The following ZFPM2 variants were observed in gnomAD, a reference collection of about 807,000 sequenced individuals.
ZFPM2 encodes the protein zinc finger protein, FOG family member 2, also known as zinc finger protein ZFPM2.
In ZFPM2, 20 loss-of-function variants were observed where a neutral mutation model predicts 98.6. The observed-to-expected ratio is 0.20, with a 90% CI of 0.14 to 0.29. The LOEUF (loss-of-function observed/expected upper bound fraction) is 0.29, where lower values mean the gene tolerates loss of function less well. ZFPM2 is among the 10% of genes least tolerant of loss of function. ZFPM2 has a pLI of 1.00. For synonymous variants in ZFPM2, 518 were observed against 502.7 expected, an observed-to-expected ratio of 1.03 and a Z score of -0.41; for missense variants, 1,310 against 1,388.6, an observed-to-expected ratio of 0.94 and a Z score of 0.90.
chr8:105,444,783 A>G (rs1272946905), intron 3 of ZFPM2, among the ~76,000 whole-genome samples: 1 of 152,174 alleles, frequency 6.6e-6, no homozygotes, highest in Admixed American at 6.5e-5. Context: ...ACCTCAATAC[A>G]TATTTAGAAG....
At chr8:105,688,247 T>G (rs1687863550) in intron 5 of ZFPM2, among the ~76,000 whole-genome samples, 1 of 152,108 alleles carries the variant, frequency 6.6e-6, no homozygotes, top group Non-Finnish European at 1.5e-5. Flanking sequence ...GGAGTTCTGA[T>G]GATCTGTACA....
chr8:105,329,297 T>C (rs1812169886), intron 1 of ZFPM2, among the ~76,000 whole-genome samples: 1 of 151,776 alleles, frequency 6.6e-6, no homozygotes, highest in Non-Finnish European at 1.5e-5. Context: ...AATGTCGAGC[T>C]CCCACAAGGT....
At chr8:105,629,046 G>C (rs1177852007) in intron 4 of ZFPM2, among the ~76,000 whole-genome samples, 2 of 152,196 alleles carry the variant, frequency 1.3e-5, no homozygotes. Flanking sequence ...GGGCCTGCAT[G>C]GAGTTCATTC....
intron 5 of ZFPM2, among the ~76,000 whole-genome samples, chr8:105,699,363 A>G (rs1811090703): frequency 6.6e-6 from 1 of 152,148 alleles, no homozygotes; most frequent in South Asian, 2.1e-4. Context: ...TGGATTTCCA[A>G]GAGAGATGAT....
intron 1 of ZFPM2, among the ~76,000 whole-genome samples, chr8:105,330,643 T>C (rs1297635226): frequency 3.0e-5 from 4 of 134,936 alleles, no homozygotes; most frequent in East Asian, 4.1e-4. Context: ...CATATATATA[T>C]ATATATTTTT....
At chr8:105,426,439 C>A (rs528927465) in intron 2 of ZFPM2, among the ~76,000 whole-genome samples, 2 of 152,172 alleles carry the variant, frequency 1.3e-5, no homozygotes, top group South Asian at 4.1e-4. Flanking sequence ...ATTGAACAGC[C>A]CCCAGCTTTG....
At chr8:105,791,825 GTA>G (rs1813621306) in intron 6 of ZFPM2, among the ~76,000 whole-genome samples, 1 of 152,126 alleles carries the variant, frequency 6.6e-6, no homozygotes, top group African/African-American at 2.4e-5. Context: ...TTGGGAGAGT[GTA>G]TGTGTCGAGG....
intron 5 of ZFPM2, chr8:105,787,509 G>A (rs1284940273): frequency 6.6e-6 from 1 of 152,110 alleles, no homozygotes; most frequent in Non-Finnish European, 1.5e-5. Context: ...ACAATGTTCT[G>A]ATTCTTCTGT....
Position 105,350,779 on chromosome 8 carries a change from G to A in ZFPM2, c.40+31798G>A, listed in dbSNP as rs144759582. 1.6e-4 allele frequency among the ~76,000 whole-genome samples: 24 copies of A among 152,286 alleles called. No individual in the cohort carries two copies. In the East Asian group the frequency reaches 4.4e-3, roughly 28 times the overall value. ...AGTGTCATACCTTCCCTGATGTAAA[G>A]ATTGTCATATTCCATCTTATTTCAC... On this transcript the variant is annotated intron_variant, in intron 1 of 7. Transcript: ENST00000407775.
intron 4 of ZFPM2, among the ~76,000 whole-genome samples, chr8:105,574,870 C>T (rs1377469283): frequency 6.6e-6 from 1 of 150,808 alleles, no homozygotes; most frequent in African/African-American, 2.4e-5. Context: ...TAAAGGTACC[C>T]AATTATATCC....
At chr8:105,422,176 G>T (rs533743287) in intron 2 of ZFPM2, among the ~76,000 whole-genome samples, 1 of 151,724 alleles carries the variant, frequency 6.6e-6, no homozygotes, top group African/African-American at 2.4e-5. Flanking sequence ...GATGGCTGAC[G>T]CCTGTAATCC....
intron 4 of ZFPM2, among the ~76,000 whole-genome samples, chr8:105,580,636 A>G (rs1815570052): frequency 6.6e-6 from 1 of 152,098 alleles, no homozygotes; most frequent in Non-Finnish European, 1.5e-5. Flanking sequence ...CTGCACTACT[A>G]ATTTTTCATT....
intron 4 of ZFPM2, among the ~76,000 whole-genome samples, chr8:105,623,194 G>C (rs1816587290): frequency 6.6e-6 from 1 of 151,964 alleles, no homozygotes; most frequent in Non-Finnish European, 1.5e-5. Flanking sequence ...TCAATAACTT[G>C]ACTTTTAATA....
chr8:105,701,743 T>C (rs1330117065), intron 5 of ZFPM2, among the ~76,000 whole-genome samples: 1 of 152,238 alleles, frequency 6.6e-6, no homozygotes, highest in Admixed American at 6.5e-5. Flanking sequence ...ATGGTGATGA[T>C]TGTAAAGTTT....
At chr8:105,775,303 T>C (rs954450200) in intron 5 of ZFPM2, among the ~76,000 whole-genome samples, 4 of 151,690 alleles carry the variant, frequency 2.6e-5, no homozygotes, top group African/African-American at 7.3e-5. Context: ...GTGTTTCATT[T>C]CCCCCCCTCC....
chr8:105,743,783 G>A (rs1812279694), intron 5 of ZFPM2, among the ~76,000 whole-genome samples: 1 of 151,988 alleles, frequency 6.6e-6, no homozygotes, highest in African/African-American at 2.4e-5. Flanking sequence ...AAATGAGAAT[G>A]AACACATCAT....
At chr8:105,694,867 A>G (rs187490358) in intron 5 of ZFPM2, among the ~76,000 whole-genome samples, 3 of 152,212 alleles carry the variant, frequency 2.0e-5, no homozygotes, top group Non-Finnish European at 4.4e-5. Context: ...AATTTCAAAC[A>G]TACATCTTTA....
At chr8:105,327,050 T>C (rs1484603008) in intron 1 of ZFPM2, among the ~76,000 whole-genome samples, 2 of 151,536 alleles carry the variant, frequency 1.3e-5, no homozygotes, top group African/African-American at 2.4e-5. Flanking sequence ...TATTTGTCAA[T>C]TGATTTCTTT....
In ZFPM2 at chr8:105,742,500, G is replaced by T. The variant is rs77651600; in HGVS notation, c.533-46218G>T. On this transcript the variant is annotated intron_variant, in intron 5 of 7. Transcript: ENST00000407775. ...GTGAAATTAGATAAGAGAGGGTCGT[G>T]ATTCCGAGCAATAAAAAGGCCTAGA... Among the ~76,000 whole-genome samples, 777 of 151,852 alleles carry T rather than the reference G, an allele frequency of 5.1e-3. 6 individuals carry two copies. Among genetic ancestry groups the T allele is most frequent in the African/African-American group, 0.018 (752 of 41,456 alleles).
Sources: gnomAD v4.1 joint callset for allele counts (sites outside exome capture counted in the v4.1 genomes callset) on GRCh38, gnomAD v4.1.1 for gene constraint, MANE v1.5 for transcripts, NCBI Gene and HGNC (gene_info 2026-07-23, HGNC 2026-07-21) for gene names.